Variants in NBPF10 observed in about 807,000 individuals in gnomAD.
NBPF10 encodes NBPF member 10, also known as NBPF family member NBPF10.
Under a neutral mutation model 77.9 loss-of-function variants are expected in NBPF10, and 63 were observed. The ratio of observed to expected loss-of-function variants is 0.81; its 90% confidence interval spans 0.66 to 1.00. The LOEUF (loss-of-function observed/expected upper bound fraction) is 1.00, where lower values mean the gene tolerates loss of function less well. Ranked by LOEUF, NBPF10 falls within the 50% of genes least tolerant of loss-of-function variation. NBPF10 has a pLI of 0.00. For missense variants in NBPF10, 522 were observed against 679.8 expected (o/e 0.77, Z 2.58); for synonymous variants, 146 against 264.5 (o/e 0.55, Z 4.35).
intron 79 of NBPF10, 46 bp downstream of exon 79, chr1:146,075,000 C>T: frequency 1.1e-5 from 2 of 179,512 alleles, no homozygotes; most frequent in East Asian, 6.8e-5. Flanking sequence ...TCTGTTGTCT[C>T]CAGGTGTTAA....
intron 13 of NBPF10, among the ~76,000 whole-genome samples, 173 bp from the exon 14 acceptor site, chr1:146,126,581 A>C (rs1658700113): frequency 7.5e-6 from 1 of 134,216 alleles, no homozygotes. Context: ...CAGGTAGAAA[A>C]GGATGAACGA....
intron 5 of NBPF10, among the ~76,000 whole-genome samples, chr1:146,139,252 A>G (rs1470429119): frequency 7.0e-6 from 1 of 142,138 alleles, no homozygotes; most frequent in Non-Finnish European, 1.5e-5. Flanking sequence ...GGCGCCCACC[A>G]CCACGCCCAG....
At chr1:146,066,663 A>C (rs1655091302) in intron 89 of NBPF10, 102 bp from the exon 90 acceptor site, 2 of 538,576 alleles carry the variant, frequency 3.7e-6, no homozygotes, top group Non-Finnish European at 6.6e-6. Context: ...TTAGAAAAGA[A>C]AAAGGATAGA....
At chr1:146,142,156 G>A (rs1381489800) in intron 2 of NBPF10, among the ~76,000 whole-genome samples, 1 of 119,450 alleles carries the variant, frequency 8.4e-6, no homozygotes, top group Non-Finnish European at 1.9e-5. Flanking sequence ...TACACATAGT[G>A]CATCTTGCGG....
At chr1:146,123,744 T>G (rs1201536300) in intron 17 of NBPF10, among the ~76,000 whole-genome samples, 183 bp downstream of exon 17, 2 of 54,420 alleles carry the variant, frequency 3.7e-5, no homozygotes, top group African/African-American at 2.4e-4. Context: ...TAGTAAATGA[T>G]AAGGGGAGGA....
chr1:146,126,201 G>T (rs587700692), intron 14 of NBPF10, 35 bp downstream of exon 14: 2 of 1,247,352 alleles, frequency 1.6e-6, no homozygotes, highest in South Asian at 2.4e-5. Context: ...AGAAGACTCA[G>T]TGGATCCTTA....
chr1:146,114,041 C>G (rs1571167074), intron 29 of NBPF10, among the ~76,000 whole-genome samples: 1 of 21,012 alleles, frequency 4.8e-5, no homozygotes, highest in Non-Finnish European at 1.1e-4. Context: ...CACACACACA[C>G]ACACACACAC....
rs1658555821 is a variant in NBPF10 at position 146,125,917 on chromosome 1, A to C, written c.2026+319T>G. ...TTAGACGCTGAAATTAGAGTAAAGG[A>C]TGAAATCTACAAGATCTACAAAATT... On this transcript the variant is annotated intron_variant, in intron 14 of 89. Transcript: ENST00000583866. Among the ~76,000 whole-genome samples the C allele has an allele frequency of 1.3e-5, 2 of 151,576 alleles. 1 individual carries two copies. Among genetic ancestry groups the C allele is most frequent in the South Asian group, 4.2e-4 (2 of 4,776 alleles).
In NBPF10 at chr1:146,126,190, C is replaced by A. The variant is rs1553789825; in HGVS notation, c.2026+46G>T. The stretch of plus-strand genomic sequence containing the variant: ...CTTGCAGTAGGAATATGACCCTAAC[C>A]AGAAGACTCAGTGGATCCTTATCAC... On this transcript the variant is annotated intron_variant, in intron 14 of 89. Coordinates refer to ENST00000583866, the Ensembl canonical transcript of NBPF10. The A allele has an allele frequency of 9.6e-6, 10 of 1,045,516 alleles. 1 individual carries two copies. The highest frequency in any genetic ancestry group is 1.4e-5 in the Non-Finnish European group (9 of 666,330). The allele number at this position is 1,045,516 out of a possible 1,614,324, so 64.8% of individuals were successfully genotyped here. A position where few individuals can be genotyped will look rare whatever the true frequency, so the allele number is the denominator to read the frequency against.
rs376439660 is a variant in NBPF10, at chr1:146,125,885, G to A, written c.2026+351C>T. Among the ~76,000 whole-genome samples, 282 of 151,306 alleles carry A rather than the reference G, an allele frequency of 1.9e-3. 8 individuals carry two copies. Among genetic ancestry groups the A allele is most frequent in the East Asian group, 0.013 (69 of 5,136 alleles). On this transcript the variant is annotated intron_variant, in intron 14 of 89. Coordinates refer to ENST00000583866, the Ensembl canonical transcript of NBPF10. The stretch of plus-strand genomic sequence containing the variant: ...AAATACTCAGATTGTTCATGGTAGC[G>A]AGGATTTTAGACGCTGAAATTAGAG...
At chr1:146,066,959 A>C (rs1424862033) in intron 89 of NBPF10, among the ~76,000 whole-genome samples, 1 of 145,536 alleles carries the variant, frequency 6.9e-6, no homozygotes, top group Non-Finnish European at 1.5e-5. Context: ...CCATGAGAGT[A>C]CAGCTTTTGA....
Position 146,067,160 on chromosome 1 carries a change from C to G in NBPF10, c.11144+20G>C, listed in dbSNP as rs587724022. On this transcript the variant is annotated intron_variant, in intron 89 of 89. Coordinates refer to ENST00000583866, the Ensembl canonical transcript of NBPF10. Reference sequence around the variant, plus strand: ...CAGGTGTTAACACAGAACTAAGGATCCACAATTGCTGAAAGTCACCTGGGG... The same window carrying G: ...CAGGTGTTAACACAGAACTAAGGATGCACAATTGCTGAAAGTCACCTGGGG... 1.6e-6 allele frequency: 1 copy of G among 615,972 alleles called. No individual in the cohort carries two copies. The highest frequency in any genetic ancestry group is 3.0e-6 in the Non-Finnish European group (1 of 330,248). The allele number at this position is 615,972 out of a possible 1,614,324, so 38.2% of individuals were successfully genotyped here. A position where few individuals can be genotyped will look rare whatever the true frequency, so the allele number is the denominator to read the frequency against.
At chr1:146,126,634 C>CACACAT (rs1253896817) in intron 13 of NBPF10, among the ~76,000 whole-genome samples, 1 of 135,104 alleles carries the variant, frequency 7.4e-6, no homozygotes, top group Non-Finnish European at 1.7e-5. Context: ...CACACACACA[C>CACACAT]AGAGCGAGCT....
chr1:146,126,625 AC>A (rs1658718192), intron 13 of NBPF10, among the ~76,000 whole-genome samples: 6 of 144,782 alleles, frequency 4.1e-5, no homozygotes, highest in Admixed American at 1.4e-4. Flanking sequence ...ACACACACAC[AC>A]ACACACACAG....
At chr1:146,129,359 A>G (rs1364855309) in intron 11 of NBPF10, among the ~76,000 whole-genome samples, 4 of 142,962 alleles carry the variant, frequency 2.8e-5, no homozygotes, top group African/African-American at 1.1e-4. Context: ...CACAAGCTTC[A>G]GTAGCCAATT....
Position 146,126,151 on chromosome 1 carries a change from C to T in NBPF10, c.2026+85G>A, listed in dbSNP as rs1390062065. On this transcript the variant is annotated intron_variant, in intron 14 of 89. Transcript: ENST00000583866. ...TCCCTGTGGCAATGACATCTCTCAG[C>T]TCAGTAACGGCCACTTGCAGTAGGA... The T allele has an allele frequency of 5.7e-6, 5 of 877,342 alleles. No homozygotes were observed. The African/African-American group carries it at 6.6e-5, about 12-fold the overall frequency. The allele number at this position is 877,342 out of a possible 1,614,324, so 54.3% of individuals were successfully genotyped here.
rs1481097797 is a variant in NBPF10, at chr1:146,066,920, T to C, written c.11144+260A>G. Among the ~76,000 whole-genome samples, 39 of 146,188 alleles carry C rather than the reference T, an allele frequency of 2.7e-4. 1 individual carries two copies. Among genetic ancestry groups the C allele is most frequent in the African/African-American group, 7.8e-4 (32 of 40,986 alleles). On this transcript the variant is annotated intron_variant, in intron 89 of 89. Coordinates refer to ENST00000583866, the Ensembl canonical transcript of NBPF10. ...AAAGAGTGAGCTCAATAGTTTTCCATAAAATATGCTCAAAATTCGATGCAG... is the reference window on the plus strand; with the variant it reads ...AAAGAGTGAGCTCAATAGTTTTCCACAAAATATGCTCAAAATTCGATGCAG...
intron 5 of NBPF10, among the ~76,000 whole-genome samples, chr1:146,139,348 A>T (rs1360120908): frequency 6.6e-6 from 1 of 151,552 alleles, no homozygotes; most frequent in Non-Finnish European, 1.5e-5. Flanking sequence ...TGACCTCATG[A>T]TCCACCCGCC....
intron 13 of NBPF10, among the ~76,000 whole-genome samples, 174 bp from the exon 14 acceptor site, chr1:146,126,582 G>A (rs1424972918): frequency 1.5e-5 from 2 of 131,576 alleles, no homozygotes; most frequent in Admixed American, 8.5e-5. Flanking sequence ...AGGTAGAAAA[G>A]GATGAACGAG....
Sources: gnomAD v4.1 joint callset for allele counts (sites outside exome capture counted in the v4.1 genomes callset) on GRCh38, gnomAD v4.1.1 for gene constraint, MANE v1.5 for transcripts, NCBI Gene and HGNC (gene_info 2026-07-23, HGNC 2026-07-21) for gene names.